The following CAMK1D variants were observed in gnomAD, a reference collection of about 807,000 sequenced individuals.
CAMK1D encodes calcium/calmodulin dependent protein kinase ID.
CAMK1D carries 9 observed loss-of-function variants against 47.7 expected under a neutral mutation model. The observed-to-expected ratio is 0.19, with a 90% CI of 0.11 to 0.33. The LOEUF (loss-of-function observed/expected upper bound fraction) is 0.33, where lower values mean the gene tolerates loss of function less well. Ranked by LOEUF, CAMK1D falls within the 10% of genes least tolerant of loss-of-function variation. The pLI is 1.00. For synonymous variants in CAMK1D, 184 were observed against 184.9 expected, an observed-to-expected ratio of 0.99 and a Z score of 0.04; for missense variants, 291 against 488.7, an observed-to-expected ratio of 0.60 and a Z score of 3.81.
At chr10:12,411,057 A>G (rs1367758863) in intron 1 of CAMK1D, among the ~76,000 whole-genome samples, 1 of 152,098 alleles carries the variant, frequency 6.6e-6, no homozygotes, top group East Asian at 1.9e-4. Context: ...TCAAAAATCC[A>G]TTGTGCTTCT....
chr10:12,688,134 A>C (rs1461879873), intron 3 of CAMK1D, among the ~76,000 whole-genome samples: 1 of 152,226 alleles, frequency 6.6e-6, no homozygotes, highest in Non-Finnish European at 1.5e-5. Flanking sequence ...TGATTTGTTT[A>C]GTAAGGTTAG....
chr10:12,390,494 G>A (rs1018369373), intron 1 of CAMK1D, among the ~76,000 whole-genome samples: 6 of 152,224 alleles, frequency 3.9e-5, no homozygotes, highest in South Asian at 2.1e-4. Context: ...CTGTCTCTGC[G>A]TCTGTCTCTA....
At chr10:12,759,898 G>C (rs1836420345) in intron 3 of CAMK1D, among the ~76,000 whole-genome samples, 1 of 152,130 alleles carries the variant, frequency 6.6e-6, no homozygotes, top group African/African-American at 2.4e-5. Flanking sequence ...TTACCGTAGG[G>C]CTTGTCTTTT....
rs150579029 is a variant in CAMK1D, at chr10:12,506,647, T to G, written c.93-46578T>G. On this transcript the variant is annotated intron_variant, in intron 1 of 10. Coordinates refer to ENST00000619168, the MANE Select transcript of CAMK1D (RefSeq NM_153498.4). ...CATTCTCCTGCCTCAGCCTCACGAG[T>G]AGCTGGGACTACAGGCGTCCGCCAC... 7.3e-3 allele frequency among the ~76,000 whole-genome samples: 1,110 copies of G among 151,886 alleles called. 23 individuals are homozygous for G. The highest frequency in any genetic ancestry group is 0.045 in the East Asian group (231 of 5,100).
intron 5 of CAMK1D, among the ~76,000 whole-genome samples, chr10:12,787,723 C>A (rs902618215): frequency 6.6e-6 from 1 of 152,218 alleles, no homozygotes; most frequent in East Asian, 1.9e-4. Context: ...CACCAGAGGC[C>A]GGGCGCGGTG....
chr10:12,574,366 A>T (rs186719196), intron 2 of CAMK1D, among the ~76,000 whole-genome samples: 1 of 150,642 alleles, frequency 6.6e-6, no homozygotes, highest in Non-Finnish European at 1.5e-5. Context: ...CAGTGGTGCA[A>T]TGTCAGCTCA....
At chr10:12,771,252 A>T (rs1412284181) in intron 5 of CAMK1D, among the ~76,000 whole-genome samples, 1 of 152,178 alleles carries the variant, frequency 6.6e-6, no homozygotes, top group African/African-American at 2.4e-5. Flanking sequence ...TTGTCATGCG[A>T]AGTGCGGTGA....
chr10:12,494,127 C>T (rs1834467050), intron 1 of CAMK1D, among the ~76,000 whole-genome samples: 1 of 152,100 alleles, frequency 6.6e-6, no homozygotes, highest in African/African-American at 2.4e-5. Flanking sequence ...TCATGAAAAG[C>T]CCAGCAACAT....
At chr10:12,695,777 T>C (rs556695926) in intron 3 of CAMK1D, among the ~76,000 whole-genome samples, 1 of 152,116 alleles carries the variant, frequency 6.6e-6, no homozygotes, top group Admixed American at 6.5e-5. Flanking sequence ...ATGTAGTCAG[T>C]TAAAAAATAA....
chr10:12,739,442 A>AT (rs1186963710), intron 3 of CAMK1D, among the ~76,000 whole-genome samples: 7,552 of 127,650 alleles, frequency 0.059, 371 homozygotes, highest in African/African-American at 0.12. Flanking sequence ...CACCCGGCTA[A>AT]TTTTTTTTTT....
At chr10:12,379,180 C>T (rs1316406309) in intron 1 of CAMK1D, among the ~76,000 whole-genome samples, 2 of 152,052 alleles carry the variant, frequency 1.3e-5, no homozygotes, top group Non-Finnish European at 1.5e-5. Context: ...TGAGGGGTTC[C>T]TAAAATATGG....
chr10:12,495,724 T>C (rs1420779621), intron 1 of CAMK1D, among the ~76,000 whole-genome samples: 2 of 152,308 alleles, frequency 1.3e-5, no homozygotes, highest in African/African-American at 2.4e-5. Context: ...ACAGGAGTCA[T>C]TGTTGTCTGT....
At chr10:12,590,041 G>A (rs1189065038) in intron 2 of CAMK1D, among the ~76,000 whole-genome samples, 4 of 152,148 alleles carry the variant, frequency 2.6e-5, no homozygotes, top group South Asian at 2.1e-4. Flanking sequence ...ACAACCGCAA[G>A]CTGATCCTTC....
chr10:12,425,962 T>TA (rs1253595481), intron 1 of CAMK1D, among the ~76,000 whole-genome samples: 1 of 152,250 alleles, frequency 6.6e-6, no homozygotes, highest in African/African-American at 2.4e-5. Flanking sequence ...ATCCTGCTAT[T>TA]AAATAATTCA....
chr10:12,598,686 G>A (rs1162453349), intron 2 of CAMK1D, among the ~76,000 whole-genome samples: 1 of 152,178 alleles, frequency 6.6e-6, no homozygotes, highest in African/African-American at 2.4e-5. Context: ...GGAGGAAAAG[G>A]GCTCTGTACT....
intron 1 of CAMK1D, among the ~76,000 whole-genome samples, chr10:12,399,042 T>G (rs1273403649): frequency 6.6e-6 from 1 of 152,184 alleles, no homozygotes; most frequent in African/African-American, 2.4e-5. Context: ...AGCCTTTTCC[T>G]TTCTAGCAGG....
At chr10:12,618,379 G>C (rs957617238) in intron 2 of CAMK1D, among the ~76,000 whole-genome samples, 3 of 152,006 alleles carry the variant, frequency 2.0e-5, no homozygotes, top group African/African-American at 7.3e-5. Context: ...ACATCTGTCC[G>C]TGCTACTTAC....
intron 1 of CAMK1D, among the ~76,000 whole-genome samples, chr10:12,550,661 C>T (rs369886973): frequency 6.6e-6 from 1 of 152,166 alleles, no homozygotes; most frequent in Non-Finnish European, 1.5e-5. Flanking sequence ...CTGGCAGGTT[C>T]TAGAAGGTTT....
At chr10:12,549,823 G>C (rs948149421) in intron 1 of CAMK1D, among the ~76,000 whole-genome samples, 1 of 152,186 alleles carries the variant, frequency 6.6e-6, no homozygotes, top group Non-Finnish European at 1.5e-5. Context: ...TCTCCATGTT[G>C]TCAGCTTCCT....
Sources: gnomAD v4.1 joint callset for allele counts (sites outside exome capture counted in the v4.1 genomes callset) on GRCh38, gnomAD v4.1.1 for gene constraint, MANE v1.5 for transcripts, NCBI Gene and HGNC (gene_info 2026-07-23, HGNC 2026-07-21) for gene names.